PRRC1: variants seen among roughly 807,000 people sequenced by gnomAD.
PRRC1 encodes the protein proline rich coiled-coil 1.
A neutral mutation model predicts 40.7 loss-of-function variants in PRRC1; 39 were observed. The observed-to-expected ratio is 0.96, with a 90% CI of 0.74 to 1.25. The LOEUF (loss-of-function observed/expected upper bound fraction) is 1.25, where lower values mean the gene tolerates loss of function less well. Among genes scored for constraint, PRRC1 ranks in the 50% most tolerant of loss-of-function variants. PRRC1 has a pLI of 0.00. For synonymous variants in PRRC1, 175 were observed against 193.3 expected, an observed-to-expected ratio of 0.91 and a Z score of 0.79; for missense variants, 573 against 548.3, an observed-to-expected ratio of 1.05 and a Z score of -0.45.
Position 127,541,402 on chromosome 5 carries a change from G to C in PRRC1, c.1025+2259G>C, listed in dbSNP as rs564431339. ...TGCTGGCCTCATAAAATGAGTTAGG[G>C]AGGATTCCCTCTTTTTCTATTGATT... On this transcript the variant is annotated intron_variant, in intron 7 of 8. Transcript: ENST00000296666. Among the ~76,000 whole-genome samples, 7 of 152,116 alleles carry C rather than the reference G, an allele frequency of 4.6e-5. No homozygotes were observed. The South Asian group carries it at 1.4e-3, about 31-fold the overall frequency.
At chr5:127,525,090 T>C (rs371377544) in intron 3 of PRRC1, among the ~76,000 whole-genome samples, 170 bp downstream of exon 3, 1 of 152,188 alleles carries the variant, frequency 6.6e-6, no homozygotes, top group Non-Finnish European at 1.5e-5. Context: ...TGTCGCAATT[T>C]TATAACCTTT....
chr5:127,542,976 T>A (rs1298863027), intron 7 of PRRC1, among the ~76,000 whole-genome samples: 1 of 151,686 alleles, frequency 6.6e-6, no homozygotes, highest in Non-Finnish European at 1.5e-5. Flanking sequence ...GTTTTGATGG[T>A]CTTTACATTT....
intron 4 of PRRC1, among the ~76,000 whole-genome samples, chr5:127,529,718 A>G (rs539019219): frequency 7.2e-5 from 11 of 152,284 alleles, no homozygotes; most frequent in Admixed American, 7.2e-4. Context: ...ATCCAGAGGA[A>G]TAGATCTGAA....
In PRRC1 at chr5:127,547,018, TAA is replaced by T. The variant is rs1347163141; in HGVS notation, c.1026-798_1026-797del. On this transcript the variant is annotated intron_variant, in intron 7 of 8. Transcript: ENST00000296666. ...TTTGTTGTTTTTTTGAATGTGTAAA[TAA>T]AAGTCTCCTAATCCATTTTATATTT... Among the ~76,000 whole-genome samples, 7 of 152,148 alleles carry T rather than the reference TAA, an allele frequency of 4.6e-5. No individual in the cohort carries two copies. The South Asian group carries it at 8.3e-4, about 18-fold the overall frequency.
In PRRC1 at chr5:127,518,423, G is replaced by A. The variant is rs74744154; in HGVS notation, c.-21+647G>A. On this transcript the variant is annotated intron_variant, in intron 1 of 8. Transcript: ENST00000296666. ...AAATTTGCAGATAGCACGTTTCCTA[G>A]ATTGACAGAATTTATAGCCAATAGT... is the stretch of plus-strand genomic sequence containing the variant. Among the ~76,000 whole-genome samples the A allele has an allele frequency of 5.8e-4, 88 of 152,370 alleles. No individual in the cohort carries two copies. In the East Asian group the frequency reaches 0.011, roughly 18 times the overall value.
rs375871103 is a variant in PRRC1, at chr5:127,523,544, T to C, written c.65T>C (p.Leu22Pro). Residue 22 changes from leucine (L) to proline (P), a missense_variant, in exon 2 of 9, where the codon CTG becomes CCG. Coordinates refer to ENST00000296666, the MANE Select transcript of PRRC1 (RefSeq NM_130809.5). ...PGTPPPNPAG[L>P]AATAMSSTPV... ...ACTCCTCCACCAAATCCTGCAGGGC[T>C]GGCTGCTACTGCTATGTCTTCTACC... 39 of 1,613,174 alleles carry C rather than the reference T, an allele frequency of 2.4e-5. No homozygotes were observed. In the African/African-American group the frequency reaches 2.9e-4, roughly 12 times the overall value.
In PRRC1 at chr5:127,551,998, A is replaced by G; in HGVS notation, c.*82A>G. The G allele has an allele frequency of 1.3e-6, 2 of 1,576,404 alleles. No individual in the cohort carries two copies. Among genetic ancestry groups the G allele is most frequent in the Non-Finnish European group, 1.7e-6 (2 of 1,160,014 alleles). On this transcript the variant is annotated 3_prime_UTR_variant, in exon 9 of 9. Coordinates refer to ENST00000296666, the MANE Select transcript of PRRC1 (RefSeq NM_130809.5). The stretch of plus-strand genomic sequence containing the variant: ...AAGTGGTTGTACCTTCCTAAATCGA[A>G]TAGTCTAAATGAATCCAGTAGTTTT...
intron 2 of PRRC1, 112 bp from the exon 3 acceptor site, chr5:127,524,419 G>T (rs1767545940): frequency 6.5e-6 from 6 of 925,522 alleles, no homozygotes; most frequent in South Asian, 3.7e-5. Context: ...TAATTCTTGG[G>T]ATATGCTTTG....
At chr5:127,520,164 C>T (rs1409592648) in intron 1 of PRRC1, among the ~76,000 whole-genome samples, 1 of 152,218 alleles carries the variant, frequency 6.6e-6, no homozygotes, top group Non-Finnish European at 1.5e-5. Flanking sequence ...TTCCTAACCT[C>T]TTCATGCTAT....
intron 7 of PRRC1, 79 bp downstream of exon 7, chr5:127,539,222 C>T (rs1222558136): frequency 3.2e-5 from 33 of 1,025,904 alleles, no homozygotes; most frequent in Non-Finnish European, 4.8e-5. Context: ...CAAAAAGTGT[C>T]TCCTGTTTTA....
chr5:127,529,386 A>AT (rs1444947776), intron 4 of PRRC1, among the ~76,000 whole-genome samples: 1 of 151,966 alleles, frequency 6.6e-6, no homozygotes, highest in African/African-American at 2.4e-5. Flanking sequence ...AGACTACAAC[A>AT]TTTTGTCCCT....
chr5:127,531,617 C>CTTCTTTTTTTTTTTTTTTTTTT (rs1268819647), intron 5 of PRRC1, among the ~76,000 whole-genome samples: 27 of 99,648 alleles, frequency 2.7e-4, no homozygotes, highest in African/African-American at 1.3e-3. Context: ...TCTTCTTCTT[C>CTTCTTTTTTTTTTTTTTTTTTT]TTTTTTTTTT....
In PRRC1 at chr5:127,525,000, T is replaced by A. The variant is rs182513400; in HGVS notation, c.493+80T>A. ...TTTTAAAATAATAGCTTTGTTGAGA[T>A]ATAATTTATGTACTCTACAATTCAC... is the stretch of plus-strand genomic sequence containing the variant. On this transcript the variant is annotated intron_variant, in intron 3 of 8. Transcript: ENST00000296666. The A allele has an allele frequency of 9.6e-5, 129 of 1,343,592 alleles. 1 individual carries two copies. The East Asian group carries it at 2.6e-3, about 27-fold the overall frequency. The allele number at this position is 1,343,592 out of a possible 1,614,324, so 83.2% of individuals were successfully genotyped here. A position where few individuals can be genotyped will look rare whatever the true frequency, so the allele number is the denominator to read the frequency against.
In PRRC1 at chr5:127,552,848, T is replaced by C. The variant is rs1768428408; in HGVS notation, c.*932T>C. 1.0e-6 allele frequency: 1 copy of C among 984,496 alleles called. No homozygotes were observed. The highest frequency in any genetic ancestry group is 1.7e-5 in the African/African-American group (1 of 57,210). The allele number at this position is 984,496 out of a possible 1,614,324, so 61.0% of individuals were successfully genotyped here. A position where few individuals can be genotyped will look rare whatever the true frequency, so the allele number is the denominator to read the frequency against. On this transcript the variant is annotated 3_prime_UTR_variant, in exon 9 of 9. Transcript: ENST00000296666. ...CTTACTTCAATTAAGGTTACTTATT[T>C]GGTTTGCCTTAAGCATTACTTTTTT...
Position 127,552,437 on chromosome 5 carries a change from C to G in PRRC1, c.*521C>G. 1 of 987,118 alleles carries G rather than the reference C, an allele frequency of 1.0e-6. No individual in the cohort carries two copies. The highest frequency in any genetic ancestry group is 5.2e-4 in the Middle Eastern group (1 of 1,914). The allele number at this position is 987,118 out of a possible 1,614,324, so 61.1% of individuals were successfully genotyped here. On this transcript the variant is annotated 3_prime_UTR_variant, in exon 9 of 9. Coordinates refer to ENST00000296666, the MANE Select transcript of PRRC1 (RefSeq NM_130809.5). ...GACACCTACTTGTCGGGAGATGTTCCACATTTCTGTGCATGTTTTCAGTAA... is the reference window on the plus strand; with the variant it reads ...GACACCTACTTGTCGGGAGATGTTCGACATTTCTGTGCATGTTTTCAGTAA...
chr5:127,534,744 T>G (rs1316183097), intron 6 of PRRC1, among the ~76,000 whole-genome samples: 11 of 152,200 alleles, frequency 7.2e-5, no homozygotes, highest in Non-Finnish European at 2.9e-5. Flanking sequence ...CAAATTTATA[T>G]CTCCACCTGA....
Position 127,530,366 on chromosome 5 carries a change from A to G in PRRC1, c.727A>G (p.Thr243Ala). ...TKHSVESMIT[T>A]LDPGMAPYIK... ...ACATTCAGTAGAAAGCATGATTACA[A>G]CGCTGGACCCTGGCATGGCTCCCTA... Residue 243 changes from threonine to alanine, a missense_variant, in exon 5 of 9, where the codon ACG becomes GCG. Physicochemically the swap from Thr to Ala is moderately conservative, Grantham distance 58. Transcript: ENST00000296666. The G allele has an allele frequency of 6.2e-7, 1 of 1,613,978 alleles. No homozygotes were observed. The highest frequency in any genetic ancestry group is 8.5e-7 in the Non-Finnish European group (1 of 1,179,902).
intron 5 of PRRC1, among the ~76,000 whole-genome samples, chr5:127,531,617 C>CTTCTTTTTTTTTTT (rs1268819647): frequency 9.0e-5 from 9 of 99,648 alleles, no homozygotes; most frequent in African/African-American, 4.2e-4. Context: ...TCTTCTTCTT[C>CTTCTTTTTTTTTTT]TTTTTTTTTT....
At chr5:127,542,264 T>C (rs1271134858) in intron 7 of PRRC1, among the ~76,000 whole-genome samples, 3 of 152,094 alleles carry the variant, frequency 2.0e-5, no homozygotes, top group Admixed American at 1.3e-4. Flanking sequence ...TCTGTTCTTT[T>C]ACATGTGCTG....
Sources: allele counts gnomAD v4.1 joint callset (sites outside exome capture counted in the v4.1 genomes callset), GRCh38; gene constraint gnomAD v4.1.1; transcripts MANE v1.5; gene names NCBI Gene and HGNC (gene_info 2026-07-23, HGNC 2026-07-21).